ADGRE5: variants seen among roughly 807,000 people sequenced by gnomAD.
ADGRE5 encodes the protein CD97 molecule.
ADGRE5 carries 72 observed loss-of-function variants against 100.3 expected under a neutral mutation model. That is an observed-to-expected ratio of 0.72 (90% confidence interval 0.59 to 0.87). The LOEUF (loss-of-function observed/expected upper bound fraction) is 0.87, where lower values mean the gene tolerates loss of function less well. ADGRE5 is among the 40% of genes least tolerant of loss of function. ADGRE5 has a pLI of 0.00. For missense variants in ADGRE5, 959 were observed against 1,094.7 expected, an observed-to-expected ratio of 0.88 and a Z score of 1.75; for synonymous variants, 439 against 447.8, an observed-to-expected ratio of 0.98 and a Z score of 0.25.
intron 4 of ADGRE5, among the ~76,000 whole-genome samples, chr19:14,393,268 G>A (rs1428962974): frequency 6.6e-6 from 1 of 151,816 alleles, no homozygotes; most frequent in Non-Finnish European, 1.5e-5. Flanking sequence ...AATGGCTAAT[G>A]GGGATTTTAT....
intron 1 of ADGRE5, among the ~76,000 whole-genome samples, chr19:14,383,165 T>C (rs1975222202): frequency 6.6e-6 from 1 of 152,142 alleles, no homozygotes; most frequent in African/African-American, 2.4e-5. Context: ...TTTGCACCAC[T>C]GCACTCCAGC....
intron 9 of ADGRE5, among the ~76,000 whole-genome samples, chr19:14,400,981 G>T (rs574615725): frequency 6.6e-6 from 1 of 151,966 alleles, no homozygotes; most frequent in Non-Finnish European, 1.5e-5. Flanking sequence ...AAAATTAGCC[G>T]GGTGTGGTGG....
chr19:14,392,191 T>G (rs1298081593), intron 4 of ADGRE5, among the ~76,000 whole-genome samples: 2 of 151,788 alleles, frequency 1.3e-5, no homozygotes, highest in Non-Finnish European at 2.9e-5. Context: ...GGAGGATCAC[T>G]TCACTTGAGT....
chr19:14,400,114 G>C (rs1386820825), intron 9 of ADGRE5, among the ~76,000 whole-genome samples: 2 of 152,020 alleles, frequency 1.3e-5, no homozygotes, highest in African/African-American at 4.8e-5. Flanking sequence ...CCGCCTCCCG[G>C]GTTCATGCCA....
chr19:14,396,762 G>A (rs1421807358), intron 5 of ADGRE5, among the ~76,000 whole-genome samples: 1 of 152,226 alleles, frequency 6.6e-6, no homozygotes, highest in African/African-American at 2.4e-5. Flanking sequence ...CTAAGAAGGG[G>A]AATCTCCACT....
chr19:14,390,887 T>C (rs780454884), intron 3 of ADGRE5, 37 bp from the exon 4 acceptor site: 2 of 1,607,040 alleles, frequency 1.2e-6, no homozygotes, highest in African/African-American at 1.3e-5. Context: ...AGAACTCACA[T>C]CTTTGGGAGG....
intron 4 of ADGRE5, among the ~76,000 whole-genome samples, chr19:14,391,753 A>G (rs1342880045): frequency 6.6e-6 from 1 of 151,672 alleles, no homozygotes; most frequent in Non-Finnish European, 1.5e-5. Flanking sequence ...AGAAAAAATC[A>G]AACCAAAGCT....
In ADGRE5 at chr19:14,402,804, T is replaced by A. The variant is rs745928566; in HGVS notation, c.1391T>A (p.Phe464Tyr). The change falls in exon 12 of 20, where the codon TTC becomes TAC. Residue 464 changes from phenylalanine to tyrosine, a missense_variant. Coordinates refer to ENST00000242786, the MANE Select transcript of ADGRE5 (RefSeq NM_078481.4). ...NTKELNSPIL[F>Y]AFSHLESSDG... is the part of the protein sequence containing the mutation. ...AAGGAACTCAACTCCCCCATCCTTT[T>A]CGCCTTCTCCCACCTTGAGTCCTCC... 3 of 1,613,960 alleles carry A rather than the reference T, an allele frequency of 1.9e-6. No individual in the cohort carries two copies. Among genetic ancestry groups the A allele is most frequent in the Non-Finnish European group, 2.5e-6 (3 of 1,180,026 alleles).
intron 12 of ADGRE5, 36 bp downstream of exon 12, chr19:14,402,898 C>T (rs1976073508): frequency 6.2e-7 from 1 of 1,608,284 alleles, no homozygotes; most frequent in Non-Finnish European, 8.5e-7. Context: ...TCAAAGATAA[C>T]CCAGGGCCTT....
At chr19:14,387,849 C>A (rs1338307076) in intron 1 of ADGRE5, among the ~76,000 whole-genome samples, 2 of 151,748 alleles carry the variant, frequency 1.3e-5, no homozygotes, top group Non-Finnish European at 1.5e-5. Context: ...CCAAGACAGG[C>A]AGATCACCTG....
At chr19:14,396,561 G>T in intron 5 of ADGRE5, 88 bp downstream of exon 5, 2 of 1,205,878 alleles carry the variant, frequency 1.7e-6, no homozygotes, top group Non-Finnish European at 1.2e-6. Context: ...AGGAGGAGGG[G>T]GAAGATCCGC....
chr19:14,386,902 A>G (rs1014747421), intron 1 of ADGRE5, among the ~76,000 whole-genome samples: 1 of 148,604 alleles, frequency 6.7e-6, no homozygotes, highest in African/African-American at 2.5e-5. Context: ...GTAATCCCAG[A>G]TACTCTGGAG....
intron 11 of ADGRE5, 83 bp from the exon 12 acceptor site, chr19:14,402,514 C>A (rs1374266025): frequency 6.9e-7 from 1 of 1,452,552 alleles, no homozygotes; most frequent in Admixed American, 1.7e-5. Flanking sequence ...ACTGGCTGAG[C>A]CTGAGCTGGG....
Position 14,390,906 on chromosome 19 carries a change from T to C in ADGRE5, c.191-18T>C, listed in dbSNP as rs1213516930. The C allele has an allele frequency of 6.2e-7, 1 of 1,612,930 alleles. No homozygotes were observed. Among genetic ancestry groups the C allele is most frequent in the Non-Finnish European group, 8.5e-7 (1 of 1,179,284 alleles). On this transcript the variant is annotated intron_variant, in intron 3 of 19. Transcript: ENST00000242786. ...CTCACATCTTTGGGAGGTGACTCCC[T>C]GTCCTGTTGTGTTCCAGACATCAAC... is the stretch of plus-strand genomic sequence containing the variant.
intron 13 of ADGRE5, 112 bp from the exon 14 acceptor site, chr19:14,405,636 G>C: frequency 1.4e-6 from 1 of 736,510 alleles, no homozygotes; most frequent in Non-Finnish European, 2.3e-6. Context: ...AGGGACAAGG[G>C]AGGAGGTCAG....
rs781089508 is a variant in ADGRE5 at position 14,407,175 on chromosome 19, C to T, written c.2322C>T (p.Leu774=). The T allele has an allele frequency of 1.2e-5, 19 of 1,614,056 alleles. No homozygotes were observed. The highest frequency in any genetic ancestry group is 1.6e-4 in the Middle Eastern group (1 of 6,084). ...SLVLTYVFTI[L]NCLQGAFLYL... is the part of the protein sequence containing the mutation. The stretch of plus-strand genomic sequence containing the variant: ...TGCTGACCTATGTGTTTACCATCCT[C>T]AACTGCCTGCAGGGCGCCTTCCTCT... Residue 774 remains leucine, a synonymous_variant, in exon 18 of 20, where the codon CTC becomes CTT. Transcript: ENST00000242786.
At position 14,397,561 on chromosome 19, in the gene ADGRE5, G is replaced by T. The variant is rs955957707; in HGVS notation, c.626-97G>T. The T allele has an allele frequency of 1.4e-5, 22 of 1,600,888 alleles. No homozygotes were observed. The African/African-American group carries it at 2.8e-4, about 21-fold the overall frequency. ...ACCCAGCGTCCACCACTCCAAGGGG[G>T]GCACTAATGCCGGGAGGAATGAGCT... On this transcript the variant is annotated intron_variant, in intron 6 of 19. Transcript: ENST00000242786.
chr19:14,408,449 G>A lies in ADGRE5; in HGVS notation c.*328G>A. 1 of 556,388 alleles carries A rather than the reference G, an allele frequency of 1.8e-6. No individual in the cohort carries two copies. Among genetic ancestry groups the A allele is most frequent in the Non-Finnish European group, 3.2e-6 (1 of 309,478 alleles). 34.5% of individuals were successfully genotyped at this position (556,388 alleles called of 1,614,324 possible). On this transcript the variant is annotated 3_prime_UTR_variant, in exon 20 of 20. Transcript: ENST00000242786. ...TACTCGGGACAGACTAAGGGCGCTT[G>A]TCCCATCCTGGACTTTTCCTCTCAT... is the stretch of plus-strand genomic sequence containing the variant.
At chr19:14,396,141 G>T in intron 4 of ADGRE5, 2 of 828,798 alleles carry the variant, frequency 2.4e-6, no homozygotes, top group Non-Finnish European at 3.6e-6. Flanking sequence ...AGAAGGGGAG[G>T]ACTTGGCTGC....
Sources: gnomAD v4.1 joint callset for allele counts (sites outside exome capture counted in the v4.1 genomes callset) on GRCh38, gnomAD v4.1.1 for gene constraint, MANE v1.5 for transcripts, NCBI Gene and HGNC (gene_info 2026-07-23, HGNC 2026-07-21) for gene names.